Variants in ARHGAP10 observed in about 807,000 individuals in gnomAD.
ARHGAP10 encodes the protein Rho GTPase activating protein 10.
In ARHGAP10, 87 loss-of-function variants were observed where a neutral mutation model predicts 108.6. The ratio of observed to expected loss-of-function variants is 0.80; its 90% confidence interval spans 0.67 to 0.96. ARHGAP10 has a LOEUF of 0.96. Among genes scored for constraint, ARHGAP10 ranks in the 40% least tolerant of loss-of-function variants. ARHGAP10 has a pLI of 0.00. For missense variants in ARHGAP10, 939 were observed against 954.5 expected (o/e 0.98, Z 0.21); for synonymous variants, 347 against 341.1 (o/e 1.02, Z -0.19).
chr4:147,825,943 G>A (rs928028996), intron 3 of ARHGAP10, among the ~76,000 whole-genome samples: 3 of 152,190 alleles, frequency 2.0e-5, no homozygotes, highest in Admixed American at 6.5e-5. Flanking sequence ...GATTCTAGGC[G>A]GGGGTAGTGA....
intron 16 of ARHGAP10, 75 bp downstream of exon 16, chr4:147,955,449 A>G (rs1305062497): frequency 1.5e-6 from 2 of 1,308,652 alleles, no homozygotes; most frequent in Non-Finnish European, 2.2e-6. Flanking sequence ...TTCCATATGA[A>G]AAATTCAACT....
chr4:147,766,829 TA>T (rs1560747010), intron 1 of ARHGAP10, among the ~76,000 whole-genome samples: 149 of 113,354 alleles, frequency 1.3e-3, no homozygotes, highest in African/African-American at 2.8e-3. Flanking sequence ...TATATATATA[TA>T]TATATATATT....
chr4:147,951,123 C>T (rs1459426753), intron 15 of ARHGAP10, among the ~76,000 whole-genome samples: 1 of 152,050 alleles, frequency 6.6e-6, no homozygotes, highest in Non-Finnish European at 1.5e-5. Context: ...TTTTATGCTG[C>T]ATTGCCTAGC....
chr4:147,962,861 A>G (rs1266281218), intron 16 of ARHGAP10, among the ~76,000 whole-genome samples: 1 of 151,912 alleles, frequency 6.6e-6, no homozygotes, highest in Non-Finnish European at 1.5e-5. Flanking sequence ...TGGTCTCACT[A>G]TGTTGGCCAT....
At chr4:147,876,406 T>G (rs1182019850) in intron 8 of ARHGAP10, among the ~76,000 whole-genome samples, 4 of 152,092 alleles carry the variant, frequency 2.6e-5, no homozygotes, top group Admixed American at 2.6e-4. Context: ...TCCTGGCTAA[T>G]ACAGTGAAAC....
rs540363423 is a variant in ARHGAP10 at position 147,778,775 on chromosome 4, C to T, written c.155-43952C>T. On this transcript the variant is annotated intron_variant, in intron 1 of 22. Coordinates refer to ENST00000336498, the MANE Select transcript of ARHGAP10 (RefSeq NM_024605.4). ...GTAATCTCCTTTGCAGTGTTATCCT[C>T]TTGCTCCATTTCATTTTAATAAGTG... Among the ~76,000 whole-genome samples, 30 of 152,276 alleles carry T rather than the reference C, an allele frequency of 2.0e-4. No homozygotes were observed. The East Asian group carries it at 5.8e-3, about 29-fold the overall frequency.
rs186905421 is a variant in ARHGAP10, at chr4:147,868,637, C to T, written c.702+1821C>T. 3.0e-3 allele frequency among the ~76,000 whole-genome samples: 456 copies of T among 152,158 alleles called. 3 individuals carry two copies. Among genetic ancestry groups the T allele is most frequent in the Non-Finnish European group, 5.5e-3 (377 of 68,012 alleles). ...AAGTGGTCCCCAACCTTTTTGGCAC[C>T]GGGGACTGGTTTTAAGGAAGACAAT... is the stretch of plus-strand genomic sequence containing the variant. On this transcript the variant is annotated intron_variant, in intron 7 of 22. Transcript: ENST00000336498.
intron 22 of ARHGAP10, among the ~76,000 whole-genome samples, chr4:148,071,083 CTG>C (rs1016983103): frequency 2.0e-4 from 30 of 152,334 alleles, no homozygotes; most frequent in African/African-American, 5.8e-4. Flanking sequence ...AGACGAGACT[CTG>C]AGAGGAGGAG....
At chr4:147,956,952 G>A (rs1032818620) in intron 16 of ARHGAP10, among the ~76,000 whole-genome samples, 1 of 152,026 alleles carries the variant, frequency 6.6e-6, no homozygotes, top group African/African-American at 2.4e-5. Flanking sequence ...TATCTTAAGA[G>A]GTAATAAAAT....
At chr4:148,011,186 G>A (rs1741158349) in intron 18 of ARHGAP10, among the ~76,000 whole-genome samples, 2 of 152,174 alleles carry the variant, frequency 1.3e-5, no homozygotes, top group African/African-American at 4.8e-5. Context: ...CCTTGGTTGG[G>A]TGTTACTCTG....
intron 11 of ARHGAP10, 66 bp from the exon 12 acceptor site, chr4:147,909,666 G>T (rs1420465302): frequency 7.5e-7 from 1 of 1,328,222 alleles, no homozygotes. Context: ...GGTCCTCAGT[G>T]TGCCTACTTG....
At position 147,866,788 on chromosome 4, in the gene ARHGAP10, A is replaced by G; in HGVS notation, c.674A>G (p.Lys225Arg). The G allele has an allele frequency of 6.2e-7, 1 of 1,612,658 alleles. No individual in the cohort carries two copies. The highest frequency in any genetic ancestry group is 8.5e-7 in the Non-Finnish European group (1 of 1,178,722). Reference sequence around the variant, plus strand: ...CTTGCCAAAGACTTCAATCACTACAAAATGGAACTACAGATCAACATTCAG... The same window carrying G: ...CTTGCCAAAGACTTCAATCACTACAGAATGGAACTACAGATCAACATTCAG... ...HELAKDFNHY[K>R]MELQINIQNT... Residue 225 changes from lysine (K) to arginine (R), a missense_variant, in exon 7 of 23, where the codon AAA (lysine) becomes AGA (arginine). Coordinates refer to ENST00000336498, the MANE Select transcript of ARHGAP10 (RefSeq NM_024605.4).
At chr4:147,985,808 A>G (rs964881616) in intron 18 of ARHGAP10, among the ~76,000 whole-genome samples, 3 of 152,190 alleles carry the variant, frequency 2.0e-5, no homozygotes, top group African/African-American at 7.2e-5. Flanking sequence ...GTTAGCTCCA[A>G]GGCTGAAGAG....
chr4:147,928,336 CA>C (rs1160860961), intron 13 of ARHGAP10, among the ~76,000 whole-genome samples: 1 of 152,182 alleles, frequency 6.6e-6, no homozygotes, highest in African/African-American at 2.4e-5. Context: ...CAGACAACCC[CA>C]GTGGGCACAG....
intron 1 of ARHGAP10, among the ~76,000 whole-genome samples, chr4:147,783,076 T>C (rs1017935961): frequency 4.9e-5 from 7 of 142,914 alleles, no homozygotes; most frequent in Non-Finnish European, 9.0e-5. Context: ...TTATATAAAT[T>C]ATGTGTTAAA....
intron 10 of ARHGAP10, among the ~76,000 whole-genome samples, chr4:147,904,236 TTTA>T (rs1736363419): frequency 6.6e-6 from 1 of 152,236 alleles, no homozygotes; most frequent in East Asian, 1.9e-4. Flanking sequence ...CTTTCTTTAT[TTTA>T]TTATTATTAT....
chr4:147,939,113 G>A (rs1578712449), intron 13 of ARHGAP10, among the ~76,000 whole-genome samples: 1 of 152,262 alleles, frequency 6.6e-6, no homozygotes, highest in African/African-American at 2.4e-5. Flanking sequence ...CATCAAAAAT[G>A]TCTTTTCGTC....
At chr4:147,745,048 A>G (rs568202210) in intron 1 of ARHGAP10, among the ~76,000 whole-genome samples, 1 of 152,122 alleles carries the variant, frequency 6.6e-6, no homozygotes, top group Non-Finnish European at 1.5e-5. Context: ...AGAGAGATGG[A>G]AAACCAGGAG....
chr4:147,750,601 CT>C lies in ARHGAP10; in HGVS notation c.154+18159del, dbSNP rs773142482. Among the ~76,000 whole-genome samples the C allele has an allele frequency of 4.6e-3, 662 of 142,724 alleles. 1 individual carries two copies. The highest frequency in any genetic ancestry group is 5.4e-3 in the Non-Finnish European group (349 of 64,782). 93.6% of individuals were successfully genotyped at this position (142,724 alleles called of 152,430 possible). On this transcript the variant is annotated intron_variant, in intron 1 of 22. Coordinates refer to ENST00000336498, the MANE Select transcript of ARHGAP10 (RefSeq NM_024605.4). ...TTAAATGGAAGTACATATAAAATAT[CT>C]TTTTTTTTTTTTGGGGGGGGTTGTA...
Sources: gnomAD v4.1 joint callset for allele counts (sites outside exome capture counted in the v4.1 genomes callset) on GRCh38, gnomAD v4.1.1 for gene constraint, MANE v1.5 for transcripts, NCBI Gene and HGNC (gene_info 2026-07-23, HGNC 2026-07-21) for gene names.